Variants in C12orf54 observed in about 807,000 individuals in gnomAD.
C12orf54 encodes the protein chromosome 12 open reading frame 54, also known as uncharacterized protein C12orf54.
Under a neutral mutation model 26.4 loss-of-function variants are expected in C12orf54, and 24 were observed. That is an observed-to-expected ratio of 0.91 (90% CI 0.66 to 1.28). The LOEUF is 1.28. C12orf54 is among the 50% of genes most tolerant of loss of function. The pLI is 0.00. For missense variants in C12orf54, 154 were observed against 150.9 expected, an observed-to-expected ratio of 1.02 and a Z score of -0.11; for synonymous variants, 54 against 47.0, an observed-to-expected ratio of 1.15 and a Z score of -0.61.
At chr12:48,438,434 C>A in the C12orf54 span, among the ~76,000 whole-genome samples, 1 of 152,144 alleles carries the variant, frequency 6.6e-6, no homozygotes, top group African/African-American at 2.4e-5. Context: ...AAAAAAAGAG[C>A]CCACATCATC....
At chr12:48,469,212 T>C in the C12orf54 span, among the ~76,000 whole-genome samples, 1 of 152,154 alleles carries the variant, frequency 6.6e-6, no homozygotes, top group Non-Finnish European at 1.5e-5. Context: ...TTCCTAATCC[T>C]AGCAAGCCTG....
chr12:48,427,430 C>T, the C12orf54 span, among the ~76,000 whole-genome samples: 1 of 152,084 alleles, frequency 6.6e-6, no homozygotes, highest in Non-Finnish European at 1.5e-5. Flanking sequence ...ATAAAGCCTA[C>T]TCGATTGTGG....
At chr12:48,425,072 A>T in the C12orf54 span, among the ~76,000 whole-genome samples, 1 of 152,128 alleles carries the variant, frequency 6.6e-6, no homozygotes, top group African/African-American at 2.4e-5. Context: ...TATTTAAACA[A>T]AAGCAATTTT....
At chr12:48,476,438 GAC>G in the C12orf54 span, among the ~76,000 whole-genome samples, 28 of 152,112 alleles carry the variant, frequency 1.8e-4, no homozygotes, top group Non-Finnish European at 3.8e-4. Flanking sequence ...CCAATTAAAA[GAC>G]ACAGACTGGC....
chr12:48,435,447 G>A, the C12orf54 span, among the ~76,000 whole-genome samples: 1 of 152,126 alleles, frequency 6.6e-6, no homozygotes, highest in Non-Finnish European at 1.5e-5. Context: ...GCAACTCCAA[G>A]ACATATAATT....
At position 48,492,965 on chromosome 12, in the gene C12orf54, T is replaced by G. The variant is rs368186800; in HGVS notation, c.212T>G (p.Met71Arg). Reference protein sequence around the residue: ...ARIRGMSNCSMTPMTSAPRTG... With the variant: ...ARIRGMSNCSRTPMTSAPRTG... Reference sequence around the variant, plus strand: ...ACTTTAGGGATGAGCAACTGCTCCATGACACCCATGACATCAGCACCCAGG... The same window carrying G: ...ACTTTAGGGATGAGCAACTGCTCCAGGACACCCATGACATCAGCACCCAGG... The change falls in exon 7 of 9, where the codon ATG (methionine) becomes AGG (arginine). Residue 71 changes from methionine to arginine, a missense_variant. Coordinates refer to ENST00000548364, the MANE Select transcript of C12orf54 (RefSeq NM_152319.4). 3.7e-6 allele frequency: 6 copies of G among 1,614,000 alleles called. No individual in the cohort carries two copies. The African/African-American group carries it at 8.0e-5, about 22-fold the overall frequency.
chr12:48,448,474 G>T, the C12orf54 span, among the ~76,000 whole-genome samples: 7 of 151,946 alleles, frequency 4.6e-5, no homozygotes, highest in African/African-American at 7.3e-5. Context: ...ATAAAGTGTC[G>T]CATTATATGA....
chr12:48,475,597 A>G, the C12orf54 span, among the ~76,000 whole-genome samples: 3 of 152,248 alleles, frequency 2.0e-5, no homozygotes, highest in African/African-American at 7.2e-5. Context: ...TACATGATGA[A>G]TGCAGAAGCC....
At chr12:48,483,601 C>G (rs533479113) in intron 2 of C12orf54, 1 of 449,268 alleles carries the variant, frequency 2.2e-6, no homozygotes, top group Non-Finnish European at 4.0e-6. Context: ...TAGGGGTTGG[C>G]GGGGTATACA....
At chr12:48,457,826 A>T in the C12orf54 span, among the ~76,000 whole-genome samples, 1 of 152,148 alleles carries the variant, frequency 6.6e-6, no homozygotes, top group Non-Finnish European at 1.5e-5. Flanking sequence ...AGCAGCTATG[A>T]GGCCATTGAG....
At chr12:48,423,905 C>T in the C12orf54 span, among the ~76,000 whole-genome samples, 1 of 152,014 alleles carries the variant, frequency 6.6e-6, no homozygotes, top group Non-Finnish European at 1.5e-5. Flanking sequence ...GCATCCTTGC[C>T]TTGTTCTCCA....
the C12orf54 span, chr12:48,417,317 T>C: frequency 0.1 from 15,364 of 152,204 alleles, 835 homozygotes; most frequent in Middle Eastern, 0.13. Context: ...AACTCGGAGA[T>C]AATGCTGTGG....
intron 2 of C12orf54, 43 bp from the exon 3 acceptor site, chr12:48,486,135 A>C (rs1473217782): frequency 6.4e-7 from 1 of 1,570,934 alleles, no homozygotes; most frequent in South Asian, 1.1e-5. Flanking sequence ...TTTAGCCCAC[A>C]TTCTGTGCTC....
At chr12:48,436,099 G>A in the C12orf54 span, among the ~76,000 whole-genome samples, 56 of 151,986 alleles carry the variant, frequency 3.7e-4, no homozygotes, top group African/African-American at 9.2e-4. Flanking sequence ...AAAAGGCAAG[G>A]GTTGCAATCC....
At chr12:48,434,190 A>G in the C12orf54 span, among the ~76,000 whole-genome samples, 125,888 of 152,098 alleles carry the variant, frequency 0.83, 52,334 homozygotes, top group East Asian at 0.88. Context: ...GAGATCAAGC[A>G]GCAAAGCGGC....
the C12orf54 span, among the ~76,000 whole-genome samples, chr12:48,420,692 G>A: frequency 2.6e-5 from 4 of 152,106 alleles, no homozygotes; most frequent in African/African-American, 9.7e-5. Context: ...AGTTAATGTG[G>A]TGGACGTACT....
At chr12:48,477,158 A>C in the C12orf54 span, among the ~76,000 whole-genome samples, 1 of 152,252 alleles carries the variant, frequency 6.6e-6, no homozygotes, top group Non-Finnish European at 1.5e-5. Context: ...TGGGTAAATA[A>C]TGAAATGAAG....
chr12:48,438,076 T>C, the C12orf54 span, among the ~76,000 whole-genome samples: 7 of 152,252 alleles, frequency 4.6e-5, no homozygotes, highest in African/African-American at 1.4e-4. Context: ...AAAATCAATG[T>C]ACAAAAATCA....
the C12orf54 span, among the ~76,000 whole-genome samples, chr12:48,437,072 A>G: frequency 6.6e-6 from 1 of 152,180 alleles, no homozygotes; most frequent in Non-Finnish European, 1.5e-5. Flanking sequence ...AGGGGATATC[A>G]CCACCGATCC....
Sources: allele counts gnomAD v4.1 joint callset (sites outside exome capture counted in the v4.1 genomes callset), GRCh38; gene constraint gnomAD v4.1.1; transcripts MANE v1.5; gene names NCBI Gene and HGNC (gene_info 2026-07-23, HGNC 2026-07-21).